Variants in SASS6 observed in about 807,000 individuals in gnomAD.
SASS6 encodes the protein SAS-6 centriolar assembly protein, also known as spindle assembly abnormal protein 6 homolog.
Under a neutral mutation model 94.9 loss-of-function variants are expected in SASS6, and 59 were observed. The observed-to-expected ratio is 0.62, with a 90% CI of 0.50 to 0.77. SASS6 has a LOEUF of 0.77. Among genes scored for constraint, SASS6 ranks in the 30% least tolerant of loss-of-function variants. The pLI is 0.00. For synonymous variants in SASS6, 264 were observed against 270.0 expected, an observed-to-expected ratio of 0.98 and a Z score of 0.22; for missense variants, 698 against 734.1, an observed-to-expected ratio of 0.95 and a Z score of 0.57.
intron 14 of SASS6, among the ~76,000 whole-genome samples, chr1:100,089,910 A>G (rs1651560662): frequency 6.6e-6 from 1 of 152,028 alleles, no homozygotes; most frequent in East Asian, 1.9e-4. Flanking sequence ...AGAAAAAAAA[A>G]AAGTAGAGCT....
chr1:100,131,932 G>A (rs1434683962), intron 1 of SASS6, among the ~76,000 whole-genome samples: 2 of 152,032 alleles, frequency 1.3e-5, no homozygotes, highest in African/African-American at 2.4e-5. Context: ...TACAAATGAG[G>A]AAAGAACGTT....
intron 15 of SASS6, among the ~76,000 whole-genome samples, chr1:100,087,900 C>A (rs1169535975): frequency 6.6e-6 from 1 of 152,142 alleles, no homozygotes; most frequent in Non-Finnish European, 1.5e-5. Context: ...CGAAATTTTA[C>A]TATCTAAGCA....
chr1:100,090,968 C>T (rs1651635088), intron 14 of SASS6, among the ~76,000 whole-genome samples: 1 of 152,134 alleles, frequency 6.6e-6, no homozygotes, highest in Admixed American at 6.5e-5. Flanking sequence ...GAATAGCACA[C>T]TTGAGACAGA....
rs965878633 is a variant in SASS6 at position 100,121,523 on chromosome 1, G to A, written c.338C>T (p.Ala113Val). 8.8e-6 allele frequency: 14 copies of A among 1,594,506 alleles called. No individual in the cohort carries two copies. Among genetic ancestry groups the A allele is most frequent in the Non-Finnish European group, 1.0e-5 (12 of 1,168,590 alleles). ...PRFLLQLVSP[A>V]AILDNSPAFL... is the part of the protein sequence containing the mutation. The stretch of plus-strand genomic sequence containing the variant: ...TGCAGGTGAGTTATCCAAAATAGCT[G>A]CTGGAGAAACTAACTGTAGCAAAAA... Residue 113 changes from alanine to valine, a missense_variant, in exon 5 of 17, where the codon GCA becomes GTA. Transcript: ENST00000287482.
rs1168212496 is a variant in SASS6 at position 100,084,090 on chromosome 1, C to T, written c.*1238G>A. ...TAGTTACTGAATTTTCAGATTAGATCCCTAGTTTAAAGACACTTGCAATTG... is the reference window on the plus strand; with the variant it reads ...TAGTTACTGAATTTTCAGATTAGATTCCTAGTTTAAAGACACTTGCAATTG... On this transcript the variant is annotated 3_prime_UTR_variant, in exon 17 of 17. Coordinates refer to ENST00000287482, the MANE Select transcript of SASS6 (RefSeq NM_194292.3). 2 of 151,088 alleles carry T rather than the reference C, an allele frequency of 1.3e-5. No individual in the cohort carries two copies. The highest frequency in any genetic ancestry group is 3.0e-5 in the Non-Finnish European group (2 of 67,710). The allele number at this position is 151,088 out of a possible 1,614,324, so 9.4% of individuals were successfully genotyped here. A position where few individuals can be genotyped will look rare whatever the true frequency, so the allele number is the denominator to read the frequency against.
chr1:100,089,256 C>T (rs1449441172), intron 14 of SASS6, among the ~76,000 whole-genome samples: 1 of 152,014 alleles, frequency 6.6e-6, no homozygotes, highest in Non-Finnish European at 1.5e-5. Context: ...CTAAGTCTCC[C>T]TGGGAAAGTA....
At position 100,132,825 on chromosome 1, in the gene SASS6, T is replaced by C. The variant is rs1386906225; in HGVS notation, c.-11A>G. 1 of 1,613,564 alleles carries C rather than the reference T, an allele frequency of 6.2e-7. No individual in the cohort carries two copies. Among genetic ancestry groups the C allele is most frequent in the Admixed American group, 1.7e-5 (1 of 60,026 alleles). On this transcript the variant is annotated 5_prime_UTR_variant, in exon 1 of 17. Transcript: ENST00000287482. ...CAGCACTTGGCTCATGTTGGCTCGC[T>C]GCCTCGGCTGGTGTGCAGAAAAGCC...
At chr1:100,098,019 G>A (rs1467299534) in intron 14 of SASS6, among the ~76,000 whole-genome samples, 1 of 152,164 alleles carries the variant, frequency 6.6e-6, no homozygotes, top group Non-Finnish European at 1.5e-5. Context: ...ATATTGAACT[G>A]TGGTATAGCT....
rs1651149499 is a variant in SASS6, at chr1:100,085,254, T to C, written c.*74A>G. On this transcript the variant is annotated 3_prime_UTR_variant, in exon 17 of 17. Transcript: ENST00000287482. ...ATTTGAAACTTGCTATTTGAGGATC[T>C]GGTTTGTGTTGACATATTTTTTAAG... The C allele has an allele frequency of 1.1e-6, 1 of 903,342 alleles. No individual in the cohort carries two copies. 56.0% of individuals were successfully genotyped at this position (903,342 alleles called of 1,614,324 possible). A position where few individuals can be genotyped will look rare whatever the true frequency, so the allele number is the denominator to read the frequency against.
chr1:100,090,969 T>C (rs1651635161), intron 14 of SASS6, among the ~76,000 whole-genome samples: 1 of 152,104 alleles, frequency 6.6e-6, no homozygotes, highest in Non-Finnish European at 1.5e-5. Context: ...AATAGCACAC[T>C]TGAGACAGAT....
Position 100,119,156 on chromosome 1 carries a change from CA to C in SASS6, c.550-20del. ...CTAATGTCTACATTAGAGTTTAACACAAAATATTAAGATAGGCTCCTTAATA... is the reference window on the plus strand; with the variant it reads ...CTAATGTCTACATTAGAGTTTAACACAAATATTAAGATAGGCTCCTTAATA... On this transcript the variant is annotated intron_variant, in intron 6 of 16. Transcript: ENST00000287482. 2 of 1,392,032 alleles carry C rather than the reference CA, an allele frequency of 1.4e-6. No individual in the cohort carries two copies. The highest frequency in any genetic ancestry group is 1.5e-5 in the South Asian group (1 of 68,298). 86.2% of individuals were successfully genotyped at this position (1,392,032 alleles called of 1,614,324 possible). A position where few individuals can be genotyped will look rare whatever the true frequency, so the allele number is the denominator to read the frequency against.
chr1:100,118,975 C>G lies in SASS6; in HGVS notation c.669+43G>C, dbSNP rs775552863. 7.8e-6 allele frequency: 11 copies of G among 1,401,958 alleles called. No individual in the cohort carries two copies. In the South Asian group the frequency reaches 1.1e-4, roughly 14 times the overall value. 86.8% of individuals were successfully genotyped at this position (1,401,958 alleles called of 1,614,324 possible). On this transcript the variant is annotated intron_variant, in intron 7 of 16. Coordinates refer to ENST00000287482, the MANE Select transcript of SASS6 (RefSeq NM_194292.3). ...CTTTTAAAATTAACAAAATGACTAA[C>G]AGCAATAAAAGATATTTTTTCAGTT...
chr1:100,116,702 G>A (rs1421390051), intron 7 of SASS6, among the ~76,000 whole-genome samples: 1 of 152,098 alleles, frequency 6.6e-6, no homozygotes, highest in Non-Finnish European at 1.5e-5. Context: ...TAGAAAATAG[G>A]TGAATTTCAG....
chr1:100,115,608 A>G (rs1466480531), intron 7 of SASS6, among the ~76,000 whole-genome samples: 1 of 152,148 alleles, frequency 6.6e-6, no homozygotes, highest in African/African-American at 2.4e-5. Context: ...AAGGAGGATC[A>G]CTTGAGGCCA....
At chr1:100,101,983 A>G (rs1652527073) in intron 14 of SASS6, among the ~76,000 whole-genome samples, 1 of 152,208 alleles carries the variant, frequency 6.6e-6, no homozygotes, top group African/African-American at 2.4e-5. Context: ...TTTTTCATAA[A>G]TGTTTATTTG....
chr1:100,130,059 AC>A (rs1288469800), intron 1 of SASS6, among the ~76,000 whole-genome samples: 2 of 152,210 alleles, frequency 1.3e-5, no homozygotes, highest in Non-Finnish European at 2.9e-5. Context: ...TACTGTTATT[AC>A]CATCAACTTA....
At chr1:100,127,550 T>C (rs776268534) in intron 1 of SASS6, among the ~76,000 whole-genome samples, 1 of 152,244 alleles carries the variant, frequency 6.6e-6, no homozygotes, top group Non-Finnish European at 1.5e-5. Flanking sequence ...CTTGTATCTG[T>C]TTTCTGAAAA....
At chr1:100,097,514 C>T (rs950965181) in intron 14 of SASS6, among the ~76,000 whole-genome samples, 1 of 152,180 alleles carries the variant, frequency 6.6e-6, no homozygotes, top group Admixed American at 6.5e-5. Context: ...ACCTCAAACA[C>T]AGTATACTGA....
At chr1:100,099,724 C>T (rs1340861051) in intron 14 of SASS6, among the ~76,000 whole-genome samples, 1 of 152,170 alleles carries the variant, frequency 6.6e-6, no homozygotes, top group East Asian at 1.9e-4. Context: ...CTGGAGCTCA[C>T]TCAAAATAAT....
Sources: gnomAD v4.1 joint callset for allele counts (sites outside exome capture counted in the v4.1 genomes callset) on GRCh38, gnomAD v4.1.1 for gene constraint, MANE v1.5 for transcripts, NCBI Gene and HGNC (gene_info 2026-07-23, HGNC 2026-07-21) for gene names.